The following GNG13 variants were observed in gnomAD, a reference collection of about 807,000 sequenced individuals.
The protein encoded by GNG13 is guanine nucleotide-binding protein G(I)/G(S)/G(O) subunit gamma-13.
Under a neutral mutation model 8.2 loss-of-function variants are expected in GNG13, and 12 were observed. That is an observed-to-expected ratio of 1.47 (90% CI 0.94 to 2.38). The LOEUF (loss-of-function observed/expected upper bound fraction) is 2.38, where lower values mean the gene tolerates loss of function less well. GNG13 is among the 30% of genes most tolerant of loss of function. The probability of loss-of-function intolerance (pLI) is 0.00; values close to 1 mark genes in which losing one functional copy is unlikely to be tolerated. For synonymous variants in GNG13, 45 were observed against 33.0 expected (o/e 1.37, Z -1.25); for missense variants, 100 against 85.2 (o/e 1.17, Z -0.68).
Position 798,059 on chromosome 16 carries a change from C to T in GNG13, c.*660G>A. On this transcript the variant is annotated 3_prime_UTR_variant, in exon 3 of 3. Transcript: ENST00000248150. Reference sequence around the variant, plus strand: ...CTGGAGATGTCTTTATAAAGTCACACCTTTACAGACTGTAATCACGTGCGA... The same window carrying T: ...CTGGAGATGTCTTTATAAAGTCACATCTTTACAGACTGTAATCACGTGCGA... The T allele has an allele frequency of 6.7e-7, 1 of 1,500,290 alleles. No individual in the cohort carries two copies. Among genetic ancestry groups the T allele is most frequent in the Non-Finnish European group, 9.0e-7 (1 of 1,113,162 alleles). The allele number at this position is 1,500,290 out of a possible 1,614,324, so 92.9% of individuals were successfully genotyped here. A position where few individuals can be genotyped will look rare whatever the true frequency, so the allele number is the denominator to read the frequency against.
Position 798,500 on chromosome 16 carries a change from C to T in GNG13, c.*219G>A, listed in dbSNP as rs1596780084. On this transcript the variant is annotated 3_prime_UTR_variant, in exon 3 of 3. Transcript: ENST00000248150. ...GACTCACAGGATGGAGTGAATGGGG[C>T]TGGGCATAGTCTTACAAGATGGAGT... 3 of 621,260 alleles carry T rather than the reference C, an allele frequency of 4.8e-6. No homozygotes were observed. The highest frequency in any genetic ancestry group is 2.9e-5 in the East Asian group (1 of 34,604). The allele number at this position is 621,260 out of a possible 1,614,324, so 38.5% of individuals were successfully genotyped here.
rs181163406 is a variant in GNG13 at position 798,441 on chromosome 16, G to C, written c.*278C>G. ...TGGTGGGAGTGGGGCTGGAAGTGGG[G>C]CTCACAGGATGGTGGGAGTGGGGCT... On this transcript the variant is annotated 3_prime_UTR_variant, in exon 3 of 3. Transcript: ENST00000248150. The C allele has an allele frequency of 8.3e-4, 429 of 517,816 alleles. No individual in the cohort carries two copies. The highest frequency in any genetic ancestry group is 8.1e-3 in the African/African-American group (388 of 47,708). 32.1% of individuals were successfully genotyped at this position (517,816 alleles called of 1,614,324 possible).
Position 798,184 on chromosome 16 carries a change from G to T in GNG13, c.*535C>A. ...GTGGGGCTCACAGGATGGTGGGAGT[G>T]GGGCCAGGCGTGGTCTCACAGGATA... On this transcript the variant is annotated 3_prime_UTR_variant, in exon 3 of 3. Coordinates refer to ENST00000248150, the MANE Select transcript of GNG13 (RefSeq NM_016541.3). 1.4e-6 allele frequency: 1 copy of T among 704,124 alleles called. No individual in the cohort carries two copies. Among genetic ancestry groups the T allele is most frequent in the Non-Finnish European group, 2.4e-6 (1 of 416,500 alleles). 43.6% of individuals were successfully genotyped at this position (704,124 alleles called of 1,614,324 possible).
chr16:799,141 C>G, intron 1 of GNG13, 30 bp from the exon 2 acceptor site: 2 of 931,616 alleles, frequency 2.1e-6, no homozygotes, highest in South Asian at 2.6e-5. Context: ...GCCACAGGGC[C>G]GAGGCCACCA....
At chr16:799,172 C>T in intron 1 of GNG13, 61 bp from the exon 2 acceptor site, 1 of 731,322 alleles carries the variant, frequency 1.4e-6, no homozygotes, top group Non-Finnish European at 2.4e-6. Context: ...CCCACCCCCG[C>T]TGCTCCCCGC....
rs2042413787 is a variant in GNG13, at chr16:798,303, T to C, written c.*416A>G. 3 of 493,404 alleles carry C rather than the reference T, an allele frequency of 6.1e-6. No homozygotes were observed. The highest frequency in any genetic ancestry group is 5.9e-5 in the South Asian group (3 of 50,924). The allele number at this position is 493,404 out of a possible 1,614,324, so 30.6% of individuals were successfully genotyped here. The stretch of plus-strand genomic sequence containing the variant: ...TTGTGAGTGGGGCCGGGAGTGGGGC[T>C]CACAGGTTGGTGTGAGTGGGGCTGG... On this transcript the variant is annotated 3_prime_UTR_variant, in exon 3 of 3. Transcript: ENST00000248150.
intron 1 of GNG13, 101 bp downstream of exon 1, chr16:800,565 C>T (rs1049690439): frequency 7.2e-5 from 11 of 152,248 alleles, no homozygotes; most frequent in African/African-American, 2.4e-4. Context: ...CTGCCCTCGC[C>T]CCGGGAGTTA....
Position 798,820 on chromosome 16 carries a change from G to T in GNG13, c.103C>A (p.Leu35Met). 6.2e-7 allele frequency: 1 copy of T among 1,607,598 alleles called. No homozygotes were observed. ...EMASKTIPELLKWIEDGIPKD... is the reference protein window; with the variant it reads ...EMASKTIPELMKWIEDGIPKD... ...GGGATCCCGTCCTCGATCCACTTCA[G>T]CAGCCTGCGGGTGGGCGGGTGGCAG... Residue 35 changes from leucine (L) to methionine (M), a missense_variant, in exon 3 of 3, where the codon CTG (leucine) becomes ATG (methionine). Leu to Met is a conservative substitution (Grantham distance 15). Transcript: ENST00000248150.
rs114260358 is a variant in GNG13 at position 798,674 on chromosome 16, G to T, written c.*45C>A. 3.1e-3 allele frequency: 3,584 copies of T among 1,151,998 alleles called. 69 individuals are homozygous for T. In the African/African-American group the frequency reaches 0.037, roughly 12 times the overall value. 71.4% of individuals were successfully genotyped at this position (1,151,998 alleles called of 1,614,324 possible). On this transcript the variant is annotated 3_prime_UTR_variant, in exon 3 of 3. Coordinates refer to ENST00000248150, the MANE Select transcript of GNG13 (RefSeq NM_016541.3). Reference sequence around the variant, plus strand: ...CTTACAAGATGGTGGGAGTGGGGCCGGGCGTGGTCTCACAGGATGGTGTGA... The same window carrying T: ...CTTACAAGATGGTGGGAGTGGGGCCTGGCGTGGTCTCACAGGATGGTGTGA...
At chr16:799,493 A>G (rs1306330137) in intron 1 of GNG13, among the ~76,000 whole-genome samples, 1 of 152,120 alleles carries the variant, frequency 6.6e-6, no homozygotes, top group Non-Finnish European at 1.5e-5. Context: ...GTGTGGGGCG[A>G]GGTCCTCAGG....
chr16:799,167 C>T (rs544536423), intron 1 of GNG13, 56 bp from the exon 2 acceptor site: 213 of 730,398 alleles, frequency 2.9e-4, no homozygotes, highest in Non-Finnish European at 4.1e-4. Context: ...TAGTCCCCAC[C>T]CCCGCTGCTC....
chr16:798,715 G>A lies in GNG13; in HGVS notation c.*4C>T. On this transcript the variant is annotated 3_prime_UTR_variant, in exon 3 of 3. Coordinates refer to ENST00000248150, the MANE Select transcript of GNG13 (RefSeq NM_016541.3). ...GATGGTGTGAGAGGGGCCGGGTGCG[G>A]GGCTCACAGGATGGTGCATTTGCCC... 1 of 1,577,690 alleles carries A rather than the reference G, an allele frequency of 6.3e-7. No homozygotes were observed. Among genetic ancestry groups the A allele is most frequent in the Non-Finnish European group, 8.7e-7 (1 of 1,147,404 alleles).
rs759409023 is a variant in GNG13, at chr16:798,690, G to T, written c.*29C>A. The T allele has an allele frequency of 4.9e-5, 66 of 1,339,968 alleles. 1 individual carries two copies. The Middle Eastern group carries it at 4.0e-3, about 81-fold the overall frequency. 83.0% of individuals were successfully genotyped at this position (1,339,968 alleles called of 1,614,324 possible). A position where few individuals can be genotyped will look rare whatever the true frequency, so the allele number is the denominator to read the frequency against. ...AGTGGGGCCGGGCGTGGTCTCACAGGATGGTGTGAGAGGGGCCGGGTGCGG... is the reference window on the plus strand; with the variant it reads ...AGTGGGGCCGGGCGTGGTCTCACAGTATGGTGTGAGAGGGGCCGGGTGCGG... On this transcript the variant is annotated 3_prime_UTR_variant, in exon 3 of 3. Coordinates refer to ENST00000248150, the MANE Select transcript of GNG13 (RefSeq NM_016541.3).
Position 799,054 on chromosome 16 carries a change from C to G in GNG13, c.24G>C (p.Gln8His). 16 of 1,609,324 alleles carry G rather than the reference C, an allele frequency of 9.9e-6. No homozygotes were observed. Among genetic ancestry groups the G allele is most frequent in the Non-Finnish European group, 1.4e-5 (16 of 1,176,046 alleles). Residue 8 changes from glutamine (Q) to histidine (H), a missense_variant, in exon 2 of 3, where the codon CAG (glutamine) becomes CAC (histidine). Coordinates refer to ENST00000248150, the MANE Select transcript of GNG13 (RefSeq NM_016541.3). Reference sequence around the variant, plus strand: ...TGAGGCTCTCCACCTCTTTCTTCATCTGTGGCACGTCCCACTCCTCCATGG... The same window carrying G: ...TGAGGCTCTCCACCTCTTTCTTCATGTGTGGCACGTCCCACTCCTCCATGG... Reference protein sequence around the residue: MEEWDVPQMKKEVESLKY... With the variant: MEEWDVPHMKKEVESLKY...
chr16:798,505 C>T lies in GNG13; in HGVS notation c.*214G>A. 3.2e-6 allele frequency: 2 copies of T among 629,012 alleles called. No homozygotes were observed. Among genetic ancestry groups the T allele is most frequent in the Non-Finnish European group, 5.7e-6 (2 of 348,736 alleles). The allele number at this position is 629,012 out of a possible 1,614,324, so 39.0% of individuals were successfully genotyped here. A position where few individuals can be genotyped will look rare whatever the true frequency, so the allele number is the denominator to read the frequency against. On this transcript the variant is annotated 3_prime_UTR_variant, in exon 3 of 3. Coordinates refer to ENST00000248150, the MANE Select transcript of GNG13 (RefSeq NM_016541.3). ...ACAGGATGGAGTGAATGGGGCTGGG[C>T]ATAGTCTTACAAGATGGAGTGAGTG...
At chr16:799,353 A>G (rs1190739523) in intron 1 of GNG13, among the ~76,000 whole-genome samples, 2 of 151,782 alleles carry the variant, frequency 1.3e-5, no homozygotes, top group African/African-American at 2.4e-5. Context: ...ATCCTCAGCT[A>G]CTCCCCCATA....
At position 798,834 on chromosome 16, in the gene GNG13, G is replaced by T. The variant is rs757337675; in HGVS notation, c.99-10C>A. 3 of 1,590,680 alleles carry T rather than the reference G, an allele frequency of 1.9e-6. No individual in the cohort carries two copies. Among genetic ancestry groups the T allele is most frequent in the Non-Finnish European group, 2.6e-6 (3 of 1,160,610 alleles). On this transcript the variant is annotated splice_polypyrimidine_tract_variant and intron_variant, in intron 2 of 2. Coordinates refer to ENST00000248150, the MANE Select transcript of GNG13 (RefSeq NM_016541.3). ...GATCCACTTCAGCAGCCTGCGGGTG[G>T]GCGGGTGGCAGGTGAGTGGTGGCAC...
Position 798,183 on chromosome 16 carries a change from T to C in GNG13, c.*536A>G. ...AGTGGGGCTCACAGGATGGTGGGAGTGGGGCCAGGCGTGGTCTCACAGGAT... is the reference window on the plus strand; with the variant it reads ...AGTGGGGCTCACAGGATGGTGGGAGCGGGGCCAGGCGTGGTCTCACAGGAT... On this transcript the variant is annotated 3_prime_UTR_variant, in exon 3 of 3. Transcript: ENST00000248150. 1 of 681,218 alleles carries C rather than the reference T, an allele frequency of 1.5e-6. No homozygotes were observed. The highest frequency in any genetic ancestry group is 2.4e-6 in the Non-Finnish European group (1 of 411,596). 42.2% of individuals were successfully genotyped at this position (681,218 alleles called of 1,614,324 possible).
chr16:799,569 C>T (rs1326396860), intron 1 of GNG13, among the ~76,000 whole-genome samples: 1 of 152,168 alleles, frequency 6.6e-6, no homozygotes, highest in Non-Finnish European at 1.5e-5. Flanking sequence ...AGTCCAGAGC[C>T]AGGACTCCTG....
Sources: gnomAD v4.1 joint callset for allele counts (sites outside exome capture counted in the v4.1 genomes callset) on GRCh38, gnomAD v4.1.1 for gene constraint, MANE v1.5 for transcripts, NCBI Gene and HGNC (gene_info 2026-07-23, HGNC 2026-07-21) for gene names.